The following GRB14 variants were observed in gnomAD, a reference collection of about 807,000 sequenced individuals.
GRB14 encodes the protein growth factor receptor-bound protein 14.
Under a neutral mutation model 69.1 loss-of-function variants are expected in GRB14, and 38 were observed. That is an observed-to-expected ratio of 0.55 (90% CI 0.42 to 0.72). GRB14 has a LOEUF of 0.72. Ranked by LOEUF, GRB14 falls within the 30% of genes least tolerant of loss-of-function variation. The probability of loss-of-function intolerance (pLI) is 0.00; values close to 1 mark genes in which losing one functional copy is unlikely to be tolerated. For synonymous variants in GRB14, 247 were observed against 241.3 expected, an observed-to-expected ratio of 1.02 and a Z score of -0.22; for missense variants, 666 against 666.1, an observed-to-expected ratio of 1.00 and a Z score of 0.00.
rs1021189831 is a variant in GRB14 at position 164,493,175 on chromosome 2, T to C, written c.1484A>G (p.Asp495Gly). ...IKHFQIIPVEDDGEMFHTLDD... is the reference protein window; with the variant it reads ...IKHFQIIPVEGDGEMFHTLDD... ...CAGTGTGTGGAACATTTCACCGTCATCTTCTACCTGCAAAAAGAAAAGCAA... is the reference window on the plus strand; with the variant it reads ...CAGTGTGTGGAACATTTCACCGTCACCTTCTACCTGCAAAAAGAAAAGCAA... Residue 495 changes from aspartate (D) to glycine (G), a missense_variant, in exon 14 of 14, where the codon GAT becomes GGT. Physicochemically the swap from Asp to Gly is moderately conservative, Grantham distance 94. Transcript: ENST00000263915. The C allele has an allele frequency of 6.2e-7, 1 of 1,612,060 alleles. No individual in the cohort carries two copies. The highest frequency in any genetic ancestry group is 8.5e-7 in the Non-Finnish European group (1 of 1,179,092).
chr2:164,573,558 A>G (rs1689169454), intron 2 of GRB14, among the ~76,000 whole-genome samples: 1 of 152,170 alleles, frequency 6.6e-6, no homozygotes, highest in Admixed American at 6.5e-5. Flanking sequence ...TTCAAAATTT[A>G]TACGTAATAT....
intron 2 of GRB14, among the ~76,000 whole-genome samples, chr2:164,559,330 G>A (rs557258182): frequency 1.9e-4 from 29 of 151,708 alleles, no homozygotes; most frequent in South Asian, 1.9e-3. Context: ...TGGGGTACAG[G>A]TGGTATTTGG....
chr2:164,586,682 T>C (rs565859096), intron 2 of GRB14, among the ~76,000 whole-genome samples: 2 of 152,288 alleles, frequency 1.3e-5, no homozygotes, highest in Admixed American at 1.3e-4. Context: ...ATAACCTTCA[T>C]GCTAAAAACA....
intron 6 of GRB14, among the ~76,000 whole-genome samples, chr2:164,519,979 C>T (rs1260029814): frequency 6.6e-6 from 1 of 151,950 alleles, no homozygotes; most frequent in Non-Finnish European, 1.5e-5. Flanking sequence ...CATCAAAATA[C>T]CATCATCGTT....
At chr2:164,597,544 G>A (rs191388984) in intron 2 of GRB14, among the ~76,000 whole-genome samples, 75 of 152,144 alleles carry the variant, frequency 4.9e-4, no homozygotes, top group Non-Finnish European at 6.6e-4. Context: ...AAAATAAACT[G>A]AGGAATTTAA....
At chr2:164,551,867 G>T (rs1440974726) in intron 2 of GRB14, among the ~76,000 whole-genome samples, 2 of 152,134 alleles carry the variant, frequency 1.3e-5, no homozygotes, top group African/African-American at 4.8e-5. Context: ...TCTGAGGCTG[G>T]GTAATTTATA....
intron 2 of GRB14, among the ~76,000 whole-genome samples, chr2:164,594,758 T>G (rs944719809): frequency 6.6e-6 from 1 of 152,218 alleles, no homozygotes; most frequent in African/African-American, 2.4e-5. Flanking sequence ...ATAAGTATCG[T>G]GTACACATTT....
chr2:164,570,836 A>G (rs1689107615), intron 2 of GRB14, among the ~76,000 whole-genome samples: 1 of 152,208 alleles, frequency 6.6e-6, no homozygotes. Context: ...TGCAATATAT[A>G]CATGCCCTAA....
chr2:164,614,356 C>A (rs538551667), intron 2 of GRB14, among the ~76,000 whole-genome samples: 49 of 152,246 alleles, frequency 3.2e-4, no homozygotes, highest in African/African-American at 1.1e-3. Context: ...TTGTTTCCAT[C>A]TAAAAATGAA....
chr2:164,548,064 T>G (rs939296702), intron 2 of GRB14, among the ~76,000 whole-genome samples: 2 of 152,240 alleles, frequency 1.3e-5, no homozygotes, highest in Admixed American at 1.3e-4. Context: ...TACACTATTA[T>G]GAACCATAGT....
At chr2:164,506,257 A>G (rs1687185078) in intron 8 of GRB14, among the ~76,000 whole-genome samples, 1 of 152,230 alleles carries the variant, frequency 6.6e-6, no homozygotes. Context: ...TGACTTTAAC[A>G]GCAGAATATT....
chr2:164,565,574 C>A (rs1688950636), intron 2 of GRB14, among the ~76,000 whole-genome samples: 1 of 152,150 alleles, frequency 6.6e-6, no homozygotes. Flanking sequence ...TCACTCAACA[C>A]CCAAGAGACT....
intron 9 of GRB14, 85 bp from the exon 10 acceptor site, chr2:164,497,575 T>C (rs573515944): frequency 4.3e-6 from 4 of 923,538 alleles, no homozygotes; most frequent in South Asian, 3.2e-5. Flanking sequence ...TCAATTTCAG[T>C]GTTTTTCTCT....
In GRB14 at chr2:164,547,719, T is replaced by C. The variant is rs759695270; in HGVS notation, c.422A>G (p.Asn141Ser). 1 of 1,613,892 alleles carries C rather than the reference T, an allele frequency of 6.2e-7. No individual in the cohort carries two copies. Among genetic ancestry groups the C allele is most frequent in the Non-Finnish European group, 8.5e-7 (1 of 1,179,856 alleles). Residue 141 changes from asparagine to serine, a missense_variant, in exon 3 of 14, where the codon AAT (asparagine) becomes AGT (serine). Transcript: ENST00000263915. ...CCAGCTGTGGTCATCAATGTAATGATTCTTCAGGATCAACAGCTGACAAAC... is the reference window on the plus strand; with the variant it reads ...CCAGCTGTGGTCATCAATGTAATGACTCTTCAGGATCAACAGCTGACAAAC... ...RDVCQLLILK[N>S]HYIDDHSWTL...
chr2:164,568,277 G>GA, intron 2 of GRB14: 1 of 1,244,698 alleles, frequency 8.0e-7, no homozygotes, highest in Middle Eastern at 2.2e-4. Context: ...AAAGCAGCAA[G>GA]AAAAATTAAA....
At chr2:164,583,663 C>G (rs1000205192) in intron 2 of GRB14, among the ~76,000 whole-genome samples, 1 of 151,928 alleles carries the variant, frequency 6.6e-6, no homozygotes, top group African/African-American at 2.4e-5. Flanking sequence ...TTTTAAAATA[C>G]TTGATTAGTC....
intron 2 of GRB14, 30 bp downstream of exon 2, chr2:164,619,657 T>G (rs1690395758): frequency 6.6e-7 from 1 of 1,521,520 alleles, no homozygotes; most frequent in African/African-American, 1.4e-5. Flanking sequence ...CTCCTAAGAT[T>G]TTTGAAATTT....
chr2:164,518,368 T>C (rs1449085766), intron 6 of GRB14, among the ~76,000 whole-genome samples: 1 of 151,996 alleles, frequency 6.6e-6, no homozygotes. Context: ...ACAGCAAAGG[T>C]AGTGCTAAGA....
chr2:164,616,195 C>T (rs971543880), intron 2 of GRB14, among the ~76,000 whole-genome samples: 1 of 151,814 alleles, frequency 6.6e-6, no homozygotes, highest in Non-Finnish European at 1.5e-5. Context: ...GAGGCCAAGG[C>T]GGGTGGATCA....
Sources: gnomAD v4.1 joint callset for allele counts (sites outside exome capture counted in the v4.1 genomes callset) on GRCh38, gnomAD v4.1.1 for gene constraint, MANE v1.5 for transcripts, NCBI Gene and HGNC (gene_info 2026-07-23, HGNC 2026-07-21) for gene names.